Variants in SCLT1 observed in about 807,000 individuals in gnomAD.
SCLT1 encodes sodium channel and clathrin linker 1, also known as sodium channel-associated protein 1.
SCLT1 carries 78 observed loss-of-function variants against 112.8 expected under a neutral mutation model. The ratio of observed to expected loss-of-function variants is 0.69; its 90% CI spans 0.58 to 0.83. SCLT1 has a LOEUF of 0.83. Among genes scored for constraint, SCLT1 ranks in the 40% least tolerant of loss-of-function variants. The pLI, the probability that SCLT1 is intolerant of heterozygous loss-of-function variation, is 0.00. For missense variants in SCLT1, 747 were observed against 770.4 expected, an observed-to-expected ratio of 0.97 and a Z score of 0.36; for synonymous variants, 257 against 254.7, an observed-to-expected ratio of 1.01 and a Z score of -0.09.
chr4:129,037,080 C>T (rs1015866464), intron 5 of SCLT1: 1 of 151,106 alleles, frequency 6.6e-6, no homozygotes, highest in African/African-American at 2.4e-5. Flanking sequence ...TGACATTAGG[C>T]TGAGAAAGGA....
chr4:129,052,464 T>G (rs1433288130), intron 2 of SCLT1, among the ~76,000 whole-genome samples: 4 of 152,176 alleles, frequency 2.6e-5, no homozygotes, highest in Non-Finnish European at 5.9e-5. Context: ...AGGGTGTATG[T>G]GTTCAGGAAT....
At chr4:129,021,130 T>C (rs1046976238) in intron 5 of SCLT1, among the ~76,000 whole-genome samples, 10 of 152,028 alleles carry the variant, frequency 6.6e-5, no homozygotes, top group Non-Finnish European at 1.0e-4. Flanking sequence ...GGGGTGTCGC[T>C]TTACCCAGGA....
intron 14 of SCLT1, among the ~76,000 whole-genome samples, chr4:128,951,233 G>A (rs1738707496): frequency 6.6e-6 from 1 of 152,002 alleles, no homozygotes. Context: ...TAGATTTTTT[G>A]AGAAAATCTG....
At chr4:128,956,447 G>T (rs1394863801) in intron 13 of SCLT1, among the ~76,000 whole-genome samples, 5 of 151,920 alleles carry the variant, frequency 3.3e-5, no homozygotes, top group Non-Finnish European at 1.5e-5. Context: ...AAAGCCCAGG[G>T]TTTACTTTGG....
chr4:128,913,557 C>T (rs540215849), intron 18 of SCLT1, among the ~76,000 whole-genome samples: 25 of 152,176 alleles, frequency 1.6e-4, no homozygotes, highest in African/African-American at 5.5e-4. Context: ...GTGAGACAAC[C>T]CAGAATGGCT....
In SCLT1 at chr4:128,936,829, A is replaced by T. The variant is rs951560799; in HGVS notation, c.1655T>A (p.Phe552Tyr). 1.3e-6 allele frequency: 2 copies of T among 1,577,010 alleles called. No homozygotes were observed. The highest frequency in any genetic ancestry group is 1.4e-5 in the African/African-American group (1 of 73,732). Reference sequence around the variant, plus strand: ...TTCAAATCCACGTTCCTTTATTGAAAATTCATGTTCCATTGTACTGATCTA... The same window carrying T: ...TTCAAATCCACGTTCCTTTATTGAATATTCATGTTCCATTGTACTGATCTA... ...KVKISTMEHE[F>Y]SIKERGFEVQ... The change falls in exon 18 of 21, where the codon TTT becomes TAT. Residue 552 changes from phenylalanine (F) to tyrosine (Y), a missense_variant. Phe to Tyr is a conservative substitution (Grantham distance 22). Transcript: ENST00000281142.
At chr4:129,002,521 A>AT (rs1440286729) in intron 6 of SCLT1, among the ~76,000 whole-genome samples, 3 of 152,074 alleles carry the variant, frequency 2.0e-5, no homozygotes, top group Non-Finnish European at 2.9e-5. Flanking sequence ...GAAATAATGG[A>AT]TTTTTTCCTT....
At chr4:129,054,984 C>G (rs529004433) in intron 2 of SCLT1, among the ~76,000 whole-genome samples, 1 of 152,064 alleles carries the variant, frequency 6.6e-6, no homozygotes, top group Non-Finnish European at 1.5e-5. Flanking sequence ...TACTGGTTTC[C>G]GTTTTTTAGC....
intron 2 of SCLT1, among the ~76,000 whole-genome samples, chr4:129,048,366 C>A (rs1484984602): frequency 6.6e-6 from 1 of 151,796 alleles, no homozygotes; most frequent in Admixed American, 6.6e-5. Flanking sequence ...CTGAGAAAAA[C>A]AAGCAATGGG....
At chr4:129,067,198 TAA>T (rs942680571) in intron 2 of SCLT1, among the ~76,000 whole-genome samples, 24 of 151,890 alleles carry the variant, frequency 1.6e-4, no homozygotes, top group Non-Finnish European at 3.1e-4. Context: ...TAAATCTTAA[TAA>T]ATCTTGGCTC....
In SCLT1 at chr4:128,959,657, A is replaced by G. The variant is rs375186452; in HGVS notation, c.990T>C (p.Ile330=). 1.7e-5 allele frequency: 27 copies of G among 1,613,482 alleles called. No individual in the cohort carries two copies. The highest frequency in any genetic ancestry group is 1.9e-5 in the Non-Finnish European group (22 of 1,179,734). The change falls in exon 12 of 21, where the codon ATT becomes ATC. Residue 330 remains isoleucine (I), a synonymous_variant. Coordinates refer to ENST00000281142, the MANE Select transcript of SCLT1 (RefSeq NM_144643.4). ...NELENERYEA[I]VRARNSMQLL... Reference sequence around the variant, plus strand: ...GTTGCATGCTATTTCTGGCTCTTACAATAGCCTCATATCTCTCATTTTCTA... The same window carrying G: ...GTTGCATGCTATTTCTGGCTCTTACGATAGCCTCATATCTCTCATTTTCTA...
At chr4:128,894,693 T>G (rs527243437) in intron 18 of SCLT1, among the ~76,000 whole-genome samples, 3 of 152,228 alleles carry the variant, frequency 2.0e-5, no homozygotes, top group Admixed American at 6.5e-5. Context: ...TCTTTTTTTT[T>G]TGTGAGATGG....
intron 18 of SCLT1, among the ~76,000 whole-genome samples, chr4:128,928,316 A>T (rs1307789624): frequency 6.6e-6 from 1 of 152,110 alleles, no homozygotes; most frequent in Non-Finnish European, 1.5e-5. Flanking sequence ...TCAAGAAAGG[A>T]TTTCAGTCAA....
chr4:128,998,047 T>C, intron 7 of SCLT1, 108 bp from the exon 8 acceptor site: 1 of 449,142 alleles, frequency 2.2e-6, no homozygotes, highest in Non-Finnish European at 3.9e-6. Flanking sequence ...TAAGTTTAGA[T>C]AAAATTAGTA....
intron 5 of SCLT1, among the ~76,000 whole-genome samples, chr4:129,016,328 T>TC (rs1302110456): frequency 9.8e-6 from 1 of 102,554 alleles, no homozygotes; most frequent in Non-Finnish European, 2.3e-5. Flanking sequence ...TCCTCCCCCA[T>TC]CCCCCCATAC....
chr4:128,933,756 T>C (rs1736964420), intron 18 of SCLT1, among the ~76,000 whole-genome samples: 1 of 152,140 alleles, frequency 6.6e-6, no homozygotes, highest in African/African-American at 2.4e-5. Flanking sequence ...ACTACAAGTT[T>C]ATTCAATTTG....
intron 16 of SCLT1, among the ~76,000 whole-genome samples, chr4:128,943,397 A>G (rs1737877470): frequency 6.6e-6 from 1 of 152,150 alleles, no homozygotes; most frequent in Non-Finnish European, 1.5e-5. Context: ...TTAACTAAGA[A>G]CAGATGAATT....
chr4:128,921,628 T>C (rs897711769), intron 18 of SCLT1, among the ~76,000 whole-genome samples: 1 of 152,060 alleles, frequency 6.6e-6, no homozygotes, highest in Admixed American at 6.5e-5. Context: ...ACCCCTAATA[T>C]CATATACACA....
chr4:128,896,280 T>C lies in SCLT1; in HGVS notation c.1830-5143A>G, dbSNP rs375458968. Among the ~76,000 whole-genome samples the C allele has an allele frequency of 1.1e-3, 161 of 152,182 alleles. 2 individuals carry two copies. In the South Asian group the frequency reaches 0.023, roughly 22 times the overall value. ...ACCCCCAAGTAGCCTAACTGGGAGG[T>C]ACCCCCCAGTACCGGGTACTGGCTG... On this transcript the variant is annotated intron_variant, in intron 18 of 20. Coordinates refer to ENST00000281142, the MANE Select transcript of SCLT1 (RefSeq NM_144643.4).
Sources: allele counts gnomAD v4.1 joint callset (sites outside exome capture counted in the v4.1 genomes callset), GRCh38; gene constraint gnomAD v4.1.1; transcripts MANE v1.5; gene names NCBI Gene and HGNC (gene_info 2026-07-23, HGNC 2026-07-21).